The following KHSRP variants were observed in gnomAD, a reference collection of about 807,000 sequenced individuals.
KHSRP encodes the protein far upstream element-binding protein 2.
A neutral mutation model predicts 94.9 loss-of-function variants in KHSRP; 13 were observed. The observed-to-expected ratio is 0.14, with a 90% CI of 0.09 to 0.22. The LOEUF (loss-of-function observed/expected upper bound fraction) is 0.22, where lower values mean the gene tolerates loss of function less well. Ranked by LOEUF, KHSRP falls within the 10% of genes least tolerant of loss-of-function variation. The probability of loss-of-function intolerance (pLI) is 1.00; values close to 1 mark genes in which losing one functional copy is unlikely to be tolerated. For synonymous variants in KHSRP, 495 were observed against 401.4 expected, an observed-to-expected ratio of 1.23 and a Z score of -2.79; for missense variants, 710 against 1,010.0, an observed-to-expected ratio of 0.70 and a Z score of 4.03.
Position 6,414,258 on chromosome 19 carries a change from G to A in KHSRP, c.*766C>T, listed in dbSNP as rs2092123743. ...TCCCAAACCTGCGCTGGCTCAGGCT[G>A]GAAGGACGTGCTTGTTAACTGTCTA... On this transcript the variant is annotated 3_prime_UTR_variant, in exon 19 of 19. Coordinates refer to ENST00000600480, the MANE Select transcript of KHSRP (RefSeq NM_001366299.1). The A allele has an allele frequency of 2.0e-6, 3 of 1,468,590 alleles. No individual in the cohort carries two copies. Among genetic ancestry groups the A allele is most frequent in the Admixed American group, 2.8e-5 (1 of 35,850 alleles). 91.0% of individuals were successfully genotyped at this position (1,468,590 alleles called of 1,614,324 possible).
intron 1 of KHSRP, among the ~76,000 whole-genome samples, chr19:6,423,465 C>A (rs2092207367): frequency 6.6e-6 from 1 of 152,312 alleles, no homozygotes; most frequent in Admixed American, 6.5e-5. Flanking sequence ...GCCCTAGAGC[C>A]AAAACTCATG....
In KHSRP at chr19:6,414,600, C is replaced by T. The variant is rs998600466; in HGVS notation, c.*424G>A. 9 of 1,012,690 alleles carry T rather than the reference C, an allele frequency of 8.9e-6. No homozygotes were observed. The highest frequency in any genetic ancestry group is 3.5e-5 in the African/African-American group (2 of 57,908). 62.7% of individuals were successfully genotyped at this position (1,012,690 alleles called of 1,614,324 possible). A position where few individuals can be genotyped will look rare whatever the true frequency, so the allele number is the denominator to read the frequency against. ...AGCCCGGCGGGGCAGGGGCCTGGGC[C>T]GCTCCCCGCGTCCCCACCAGTCCCT... On this transcript the variant is annotated 3_prime_UTR_variant, in exon 19 of 19. Coordinates refer to ENST00000600480, the MANE Select transcript of KHSRP (RefSeq NM_001366299.1).
At chr19:6,420,023 A>G in intron 6 of KHSRP, 50 bp downstream of exon 6, 1 of 1,402,228 alleles carries the variant, frequency 7.1e-7, no homozygotes, top group Non-Finnish European at 1.0e-6. Flanking sequence ...GGAAAGTGCA[A>G]AGGGCCCAAC....
chr19:6,415,525 C>T lies in KHSRP; in HGVS notation c.1888+9G>A. 6.5e-7 allele frequency: 1 copy of T among 1,545,330 alleles called. No homozygotes were observed. Among genetic ancestry groups the T allele is most frequent in the African/African-American group, 1.4e-5 (1 of 73,036 alleles). On this transcript the variant is annotated intron_variant, in intron 17 of 18. Transcript: ENST00000600480. ...GGGCTGGAGCCCCCCCGCCACCCTG[C>T]AGACTCACCGATCTTTTTGTAATAC... is the stretch of plus-strand genomic sequence containing the variant.
At chr19:6,417,472 G>A (rs1368685345) in intron 11 of KHSRP, among the ~76,000 whole-genome samples, 2 of 152,228 alleles carry the variant, frequency 1.3e-5, no homozygotes, top group African/African-American at 4.8e-5. Context: ...GGCACCCAGG[G>A]CTGTCCTGTC....
chr19:6,414,108 C>T lies in KHSRP; in HGVS notation c.*916G>A, dbSNP rs373531467. 28 of 1,595,396 alleles carry T rather than the reference C, an allele frequency of 1.8e-5. No individual in the cohort carries two copies. In the East Asian group the frequency reaches 2.3e-4, roughly 13 times the overall value. ...ACAGATGAAGAAGTTCACATTCATT[C>T]GATTCATTGAGCCTGCGGAGAGGGA... On this transcript the variant is annotated 3_prime_UTR_variant, in exon 19 of 19. Transcript: ENST00000600480.
chr19:6,422,277 C>T, intron 2 of KHSRP, 63 bp downstream of exon 2: 1 of 1,143,072 alleles, frequency 8.7e-7, no homozygotes, highest in Non-Finnish European at 1.3e-6. Context: ...CACACTCAAA[C>T]AAAAGCACCT....
rs5826930 is a variant in KHSRP at position 6,419,740 on chromosome 19, CCT to C, written c.547+331_547+332del. On this transcript the variant is annotated intron_variant, in intron 6 of 18. Transcript: ENST00000600480. Reference sequence around the variant, plus strand: ...GTGACCCCTCTGTCCAAGGCACCACCCTGTCTCACGCAGTCTTGCCGGGGTGC... The same window carrying C: ...GTGACCCCTCTGTCCAAGGCACCACCGTCTCACGCAGTCTTGCCGGGGTGC... 1.0e-2 allele frequency among the ~76,000 whole-genome samples: 1,516 copies of C among 152,320 alleles called. 15 individuals carry two copies. Among genetic ancestry groups the C allele is most frequent in the Non-Finnish European group, 0.017 (1,123 of 68,032 alleles).
In KHSRP at chr19:6,418,589, A is replaced by T; in HGVS notation, c.781-8T>A. 6.2e-7 allele frequency: 1 copy of T among 1,613,832 alleles called. No individual in the cohort carries two copies. Among genetic ancestry groups the T allele is most frequent in the South Asian group, 1.1e-5 (1 of 91,072 alleles). The stretch of plus-strand genomic sequence containing the variant: ...CTTCACTCCAGCGCGTTCCTTTACA[A>T]GCAAGGTTAACCGTTAGTGCTGGGC... On this transcript the variant is annotated splice_polypyrimidine_tract_variant and splice_region_variant and intron_variant, in intron 8 of 18. Coordinates refer to ENST00000600480, the MANE Select transcript of KHSRP (RefSeq NM_001366299.1). This position sits in a 1 kb window ranked among gnomAD's most constrained non-coding sequence, Gnocchi z 4.3.
At position 6,422,434 on chromosome 19, in the gene KHSRP, A is replaced by T. The variant is rs2092200744; in HGVS notation, c.252T>A (p.Ile84=). Residue 84 remains isoleucine, a splice_region_variant and synonymous_variant, in exon 2 of 19, where the codon ATT becomes ATA. Coordinates refer to ENST00000600480, the MANE Select transcript of KHSRP (RefSeq NM_001366299.1). The stretch of plus-strand genomic sequence containing the variant: ...CAGCATCGCCTCCAATTTTGGCTGC[A>T]ATCTAGAATAAAGTAGTAAGCACAG... ...FADAVQRARQ[I]AAKIGGDAAT... 6.2e-7 allele frequency: 1 copy of T among 1,611,900 alleles called. No individual in the cohort carries two copies. The highest frequency in any genetic ancestry group is 2.2e-5 in the East Asian group (1 of 44,872).
intron 13 of KHSRP, 31 bp from the exon 14 acceptor site, chr19:6,416,681 G>T: frequency 6.2e-7 from 1 of 1,613,490 alleles, no homozygotes; most frequent in Non-Finnish European, 8.5e-7. Flanking sequence ...AAGGTGGCCT[G>T]CAGTGATGGC....
Position 6,414,485 on chromosome 19 carries a change from T to C in KHSRP, c.*539A>G, listed in dbSNP as rs1437789353. ...GATCATGGTGTCCCCACAACACCCC[T>C]GTGAGGTAGGTTGGAAGGTGGCAAC... On this transcript the variant is annotated 3_prime_UTR_variant, in exon 19 of 19. Coordinates refer to ENST00000600480, the MANE Select transcript of KHSRP (RefSeq NM_001366299.1). The C allele has an allele frequency of 1.8e-6, 2 of 1,095,670 alleles. No individual in the cohort carries two copies. The highest frequency in any genetic ancestry group is 2.2e-6 in the Non-Finnish European group (2 of 900,624). 67.9% of individuals were successfully genotyped at this position (1,095,670 alleles called of 1,614,324 possible).
In KHSRP at chr19:6,417,972, C is replaced by T; in HGVS notation, c.978+9G>A. ...GGGAGAGGGGGGTGAAGGCAGGGCCCACACTCACATCGATGCCTCCGCCAA... is the reference window on the plus strand; with the variant it reads ...GGGAGAGGGGGGTGAAGGCAGGGCCTACACTCACATCGATGCCTCCGCCAA... On this transcript the variant is annotated intron_variant, in intron 10 of 18. Coordinates refer to ENST00000600480, the MANE Select transcript of KHSRP (RefSeq NM_001366299.1). 6.2e-7 allele frequency: 1 copy of T among 1,613,242 alleles called. No homozygotes were observed. Among genetic ancestry groups the T allele is most frequent in the South Asian group, 1.1e-5 (1 of 91,044 alleles).
chr19:6,414,001 C>A lies in KHSRP; in HGVS notation c.*1023G>T. The A allele has an allele frequency of 2.1e-6, 3 of 1,408,246 alleles. No homozygotes were observed. The highest frequency in any genetic ancestry group is 1.9e-6 in the Non-Finnish European group (2 of 1,055,542). The allele number at this position is 1,408,246 out of a possible 1,614,324, so 87.2% of individuals were successfully genotyped here. A position where few individuals can be genotyped will look rare whatever the true frequency, so the allele number is the denominator to read the frequency against. On this transcript the variant is annotated 3_prime_UTR_variant, in exon 19 of 19. Transcript: ENST00000600480. ...TGCTTGCCGCGAGGGCTCCCCAGTA[C>A]TCCCCACGGCAGCCATCGCTCTCTC...
At chr19:6,416,682 C>A in intron 13 of KHSRP, 32 bp from the exon 14 acceptor site, 1 of 1,613,378 alleles carries the variant, frequency 6.2e-7, no homozygotes, top group South Asian at 1.1e-5. Context: ...AGGTGGCCTG[C>A]AGTGATGGCC....
In KHSRP at chr19:6,413,986, G is replaced by T; in HGVS notation, c.*1038C>A. 2 of 1,069,760 alleles carry T rather than the reference G, an allele frequency of 1.9e-6. No individual in the cohort carries two copies. The highest frequency in any genetic ancestry group is 2.5e-6 in the Non-Finnish European group (2 of 786,846). 66.3% of individuals were successfully genotyped at this position (1,069,760 alleles called of 1,614,324 possible). A position where few individuals can be genotyped will look rare whatever the true frequency, so the allele number is the denominator to read the frequency against. ...AAGTCCCCCCCACCCTGCTTGCCGC[G>T]AGGGCTCCCCAGTACTCCCCACGGC... On this transcript the variant is annotated 3_prime_UTR_variant, in exon 19 of 19. Transcript: ENST00000600480.
Position 6,418,358 on chromosome 19 carries a change from C to A in KHSRP, c.879+125G>T. 1.4e-6 allele frequency: 1 copy of A among 739,576 alleles called. No individual in the cohort carries two copies. The highest frequency in any genetic ancestry group is 2.3e-6 in the Non-Finnish European group (1 of 432,954). The allele number at this position is 739,576 out of a possible 1,614,324, so 45.8% of individuals were successfully genotyped here. ...TCCTACGAGCCAGCGCTCTTGCAAG[C>A]CTCTTGGTGTTATGACCGACTGTTC... On this transcript the variant is annotated intron_variant, in intron 9 of 18. Coordinates refer to ENST00000600480, the MANE Select transcript of KHSRP (RefSeq NM_001366299.1). The surrounding 1 kb of genome is among the most constrained non-coding windows in gnomAD (Gnocchi z 4.3).
At chr19:6,422,237 A>G in intron 2 of KHSRP, 103 bp downstream of exon 2, 2 of 737,150 alleles carry the variant, frequency 2.7e-6, no homozygotes, top group South Asian at 1.6e-5. Context: ...TTAAAAGACC[A>G]AACAACAGTG....
chr19:6,416,990 G>T lies in KHSRP; in HGVS notation c.1179C>A (p.Leu393=). 1.2e-6 allele frequency: 2 copies of T among 1,613,772 alleles called. No homozygotes were observed. The highest frequency in any genetic ancestry group is 8.5e-7 in the Non-Finnish European group (1 of 1,179,846). The change falls in exon 12 of 19, where the codon CTC becomes CTA. Residue 393 remains leucine (L), a synonymous_variant. Coordinates refer to ENST00000600480, the MANE Select transcript of KHSRP (RefSeq NM_001366299.1). ...ARIINDLLQS[L]RSGPPGPPGG... ...TTCAGCACCCGGGGCCACCTACCCT[G>T]AGGCTCTGGAGGAGGTCGTTGATGA...
Sources: allele counts gnomAD v4.1 joint callset (sites outside exome capture counted in the v4.1 genomes callset), GRCh38; gene constraint gnomAD v4.1.1; non-coding constraint Gnocchi (gnomAD v3.1); transcripts MANE v1.5; gene names NCBI Gene and HGNC (gene_info 2026-07-23, HGNC 2026-07-21).